The following GABRB2 variants were observed in gnomAD, a reference collection of about 807,000 sequenced individuals.
GABRB2 encodes the protein gamma-aminobutyric acid receptor subunit beta-2.
A neutral mutation model predicts 54.7 loss-of-function variants in GABRB2; 16 were observed. The ratio of observed to expected loss-of-function variants is 0.29; its 90% confidence interval spans 0.20 to 0.44. The LOEUF (loss-of-function observed/expected upper bound fraction) is 0.44. Among genes scored for constraint, GABRB2 ranks in the 20% least tolerant of loss-of-function variants. The pLI, the probability that GABRB2 is intolerant of heterozygous loss-of-function variation, is 1.00. For synonymous variants in GABRB2, 244 were observed against 233.8 expected (o/e 1.04, Z -0.40); for missense variants, 355 against 644.0 (o/e 0.55, Z 4.86).
At position 161,484,446 on chromosome 5, in the gene GABRB2, G is replaced by A. The variant is rs1042472952; in HGVS notation, c.238-24602C>T. 2.0e-5 allele frequency among the ~76,000 whole-genome samples: 3 copies of A among 152,016 alleles called. No individual in the cohort carries two copies. In the East Asian group the frequency reaches 5.9e-4, roughly 30 times the overall value. The stretch of plus-strand genomic sequence containing the variant: ...CACTGAGAAATGACCCACCTTTCAA[G>A]TACAAAAGTGGAGCAAAGATGAGAC... On this transcript the variant is annotated intron_variant, in intron 3 of 9. Coordinates refer to ENST00000393959, the MANE Select transcript of GABRB2 (RefSeq NM_001371727.1).
intron 3 of GABRB2, among the ~76,000 whole-genome samples, chr5:161,501,920 T>C (rs1032349914): frequency 6.7e-6 from 1 of 148,578 alleles, no homozygotes; most frequent in South Asian, 2.1e-4. Flanking sequence ...AATTATTTTA[T>C]ATATACATAT....
intron 5 of GABRB2, among the ~76,000 whole-genome samples, chr5:161,381,234 C>A (rs1755456414): frequency 6.6e-6 from 1 of 152,104 alleles, no homozygotes; most frequent in Non-Finnish European, 1.5e-5. Flanking sequence ...AAATGAAGAT[C>A]ATAATATCTA....
At chr5:161,344,960 C>A (rs999721168) in intron 5 of GABRB2, among the ~76,000 whole-genome samples, 2 of 151,990 alleles carry the variant, frequency 1.3e-5, no homozygotes, top group Admixed American at 1.3e-4. Flanking sequence ...AACCAAACAC[C>A]ACATGTTCTC....
intron 3 of GABRB2, among the ~76,000 whole-genome samples, chr5:161,499,556 C>G (rs1405129081): frequency 6.6e-6 from 1 of 152,164 alleles, no homozygotes; most frequent in African/African-American, 2.4e-5. Flanking sequence ...AATTTCAGAA[C>G]CTCTGGATAT....
intron 9 of GABRB2, among the ~76,000 whole-genome samples, chr5:161,299,285 G>A (rs1346870790): frequency 6.6e-6 from 1 of 152,138 alleles, no homozygotes; most frequent in Non-Finnish European, 1.5e-5. Context: ...TCTGCTGTGG[G>A]TGTAGGCCAA....
chr5:161,343,777 G>A (rs1754240741), intron 5 of GABRB2, among the ~76,000 whole-genome samples: 1 of 152,056 alleles, frequency 6.6e-6, no homozygotes, highest in African/African-American at 2.4e-5. Context: ...GAACTGAAGT[G>A]TTATCATTAT....
chr5:161,411,608 T>C (rs1756518544), intron 4 of GABRB2, among the ~76,000 whole-genome samples: 1 of 152,146 alleles, frequency 6.6e-6, no homozygotes, highest in Non-Finnish European at 1.5e-5. Flanking sequence ...CTGATTTCTG[T>C]CCTGAGTAAT....
chr5:161,406,649 T>G (rs1003310041), intron 5 of GABRB2, among the ~76,000 whole-genome samples: 1 of 152,036 alleles, frequency 6.6e-6, no homozygotes, highest in Admixed American at 6.6e-5. Flanking sequence ...GTGTTAGGTA[T>G]TATTTCCATT....
intron 3 of GABRB2, among the ~76,000 whole-genome samples, chr5:161,483,187 C>A (rs139546224): frequency 6.6e-6 from 1 of 151,950 alleles, no homozygotes; most frequent in East Asian, 1.9e-4. Flanking sequence ...CACCTTGAGA[C>A]GTGATAACAT....
At chr5:161,391,890 C>T (rs780764365) in intron 5 of GABRB2, among the ~76,000 whole-genome samples, 1 of 152,168 alleles carries the variant, frequency 6.6e-6, no homozygotes, top group African/African-American at 2.4e-5. Flanking sequence ...TAAGAAGGGA[C>T]TGACTGCTAT....
At chr5:161,361,085 CA>C (rs202078627) in intron 5 of GABRB2, among the ~76,000 whole-genome samples, 5 of 147,614 alleles carry the variant, frequency 3.4e-5, no homozygotes, top group East Asian at 2.0e-4. Flanking sequence ...CTGTGAGAAA[CA>C]AAAAAAAAGA....
chr5:161,521,134 A>T (rs114029288), intron 3 of GABRB2, among the ~76,000 whole-genome samples: 1 of 151,990 alleles, frequency 6.6e-6, no homozygotes. Context: ...TACCCAATGC[A>T]TTAAAATGAA....
intron 5 of GABRB2, among the ~76,000 whole-genome samples, chr5:161,378,551 C>T (rs1374637683): frequency 6.6e-6 from 1 of 152,066 alleles, no homozygotes; most frequent in East Asian, 1.9e-4. Flanking sequence ...ATGTTTTTAT[C>T]AACTGGTCAT....
chr5:161,451,936 A>C (rs79532742), intron 4 of GABRB2, among the ~76,000 whole-genome samples: 2,552 of 152,260 alleles, frequency 0.017, 81 homozygotes, highest in African/African-American at 0.057. Flanking sequence ...CTAAATAGTC[A>C]ATAAGAAACA....
At chr5:161,403,565 A>G (rs985689639) in intron 5 of GABRB2, among the ~76,000 whole-genome samples, 17 of 152,144 alleles carry the variant, frequency 1.1e-4, no homozygotes, top group African/African-American at 4.1e-4. Context: ...CATCAGCATG[A>G]AAAAGGAAAG....
chr5:161,511,713 G>C (rs1025018564), intron 3 of GABRB2, among the ~76,000 whole-genome samples: 1 of 151,952 alleles, frequency 6.6e-6, no homozygotes, highest in African/African-American at 2.4e-5. Context: ...AGGGCTGTGA[G>C]GGAAGAATCT....
At chr5:161,318,430 T>C (rs115258119) in intron 9 of GABRB2, among the ~76,000 whole-genome samples, 2 of 152,150 alleles carry the variant, frequency 1.3e-5, no homozygotes, top group Non-Finnish European at 2.9e-5. Context: ...TATATGGTAT[T>C]ATATTTAAAT....
intron 3 of GABRB2, among the ~76,000 whole-genome samples, chr5:161,523,147 T>C (rs534352637): frequency 4.6e-5 from 7 of 151,520 alleles, no homozygotes; most frequent in Non-Finnish European, 8.9e-5. Flanking sequence ...ATTTGGACCA[T>C]ATAACATAGC....
chr5:161,451,829 G>T (rs1424408469), intron 4 of GABRB2, among the ~76,000 whole-genome samples: 2 of 152,044 alleles, frequency 1.3e-5, no homozygotes, highest in African/African-American at 4.8e-5. Flanking sequence ...ATTTTTAAAA[G>T]AAAAATACTT....
Sources: allele counts gnomAD v4.1 joint callset (sites outside exome capture counted in the v4.1 genomes callset), GRCh38; gene constraint gnomAD v4.1.1; transcripts MANE v1.5; gene names NCBI Gene and HGNC (gene_info 2026-07-23, HGNC 2026-07-21).